The following PRMT7 variants were observed in gnomAD, a reference collection of about 807,000 sequenced individuals.
PRMT7 encodes protein arginine N-methyltransferase 7.
In PRMT7, 75 loss-of-function variants were observed where a neutral mutation model predicts 85.4. That is an observed-to-expected ratio of 0.88 (90% CI 0.73 to 1.06). The LOEUF is 1.06. Ranked by LOEUF, PRMT7 falls within the 50% of genes least tolerant of loss-of-function variation. The probability of loss-of-function intolerance (pLI) is 0.00; values close to 1 mark genes in which losing one functional copy is unlikely to be tolerated. For missense variants in PRMT7, 868 were observed against 915.2 expected (o/e 0.95, Z 0.67); for synonymous variants, 397 against 359.5 (o/e 1.10, Z -1.18).
chr16:68,321,303 C>G (rs1298539322), intron 3 of PRMT7, 123 bp from the exon 4 acceptor site: 2 of 746,272 alleles, frequency 2.7e-6, no homozygotes, highest in African/African-American at 3.7e-5. Flanking sequence ...AAAAGACAAC[C>G]AAAAAATAGT....
chr16:68,352,670 A>C, intron 15 of PRMT7: 1 of 356,374 alleles, frequency 2.8e-6, no homozygotes, highest in Non-Finnish European at 5.1e-6. Context: ...TTAAAAATAT[A>C]AATTAAGCGT....
chr16:68,334,098 C>T (rs2084314343), intron 6 of PRMT7, among the ~76,000 whole-genome samples: 1 of 152,156 alleles, frequency 6.6e-6, no homozygotes, highest in Non-Finnish European at 1.5e-5. Context: ...CTTCATAGCG[C>T]TTACCACTGC....
intron 2 of PRMT7, 88 bp from the exon 3 acceptor site, chr16:68,315,809 C>A: frequency 4.8e-6 from 3 of 629,942 alleles, no homozygotes; most frequent in Non-Finnish European, 8.6e-6. Context: ...CCCCTTCCCC[C>A]CTCCACATTT....
At chr16:68,335,592 T>A (rs1024199500) in intron 6 of PRMT7, among the ~76,000 whole-genome samples, 2 of 151,866 alleles carry the variant, frequency 1.3e-5, no homozygotes, top group Non-Finnish European at 2.9e-5. Flanking sequence ...GTGTGCTTTT[T>A]TTTTTTTATC....
At chr16:68,351,104 C>T (rs2087254650) in intron 14 of PRMT7, among the ~76,000 whole-genome samples, 1 of 152,170 alleles carries the variant, frequency 6.6e-6, no homozygotes, top group Non-Finnish European at 1.5e-5. Flanking sequence ...GTGTGGTGTA[C>T]CGGTAGACCG....
chr16:68,314,986 T>A (rs991742953), intron 2 of PRMT7, among the ~76,000 whole-genome samples: 1 of 152,028 alleles, frequency 6.6e-6, no homozygotes, highest in African/African-American at 2.4e-5. Context: ...GCATAAGGAA[T>A]GCTAGTATTA....
intron 3 of PRMT7, among the ~76,000 whole-genome samples, chr16:68,319,709 A>AGTGTGTGTGTGTGTGT (rs750593103): frequency 0.013 from 536 of 41,858 alleles, 3 homozygotes; most frequent in African/African-American, 0.057. Flanking sequence ...AATAAGAGTG[A>AGTGTGTGTGTGTGTGT]GAGTGTGTGT....
rs188061649 is a variant in PRMT7, at chr16:68,318,222, C to A, written c.95+2148C>A. ...TTTTTTTCTTTTTTTTTTTTTGAGA[C>A]AGAGTCTCGCTCTGTTTCCCAGGCT... is the stretch of plus-strand genomic sequence containing the variant. On this transcript the variant is annotated intron_variant, in intron 3 of 18. Coordinates refer to ENST00000441236, the MANE Select transcript of PRMT7 (RefSeq NM_019023.5). Among the ~76,000 whole-genome samples, 429 of 136,988 alleles carry A rather than the reference C, an allele frequency of 3.1e-3. 5 individuals are homozygous for A. The highest frequency in any genetic ancestry group is 0.011 in the African/African-American group (404 of 35,572). 89.9% of individuals were successfully genotyped at this position (136,988 alleles called of 152,430 possible).
chr16:68,344,188 C>T (rs568929435), intron 9 of PRMT7, among the ~76,000 whole-genome samples: 17 of 152,296 alleles, frequency 1.1e-4, no homozygotes, highest in East Asian at 7.7e-4. Context: ...AGGCTGGTCC[C>T]GTACACCTGG....
intron 6 of PRMT7, among the ~76,000 whole-genome samples, chr16:68,334,635 A>G (rs961237074): frequency 1.3e-5 from 2 of 152,006 alleles, no homozygotes; most frequent in African/African-American, 4.8e-5. Context: ...TCATCCGTCC[A>G]TTTTGTTCAT....
rs572000123 is a variant in PRMT7 at position 68,319,713 on chromosome 16, T to A, written c.96-1713T>A. ...CCAGCCTTCTCAATAAGAGTGAGAGTGTGTGTGTGTGTGTGTGTGTGTGTG... is the reference window on the plus strand; with the variant it reads ...CCAGCCTTCTCAATAAGAGTGAGAGAGTGTGTGTGTGTGTGTGTGTGTGTG... On this transcript the variant is annotated intron_variant, in intron 3 of 18. Transcript: ENST00000441236. Among the ~76,000 whole-genome samples, 41 of 145,184 alleles carry A rather than the reference T, an allele frequency of 2.8e-4. No individual in the cohort carries two copies. The East Asian group carries it at 3.5e-3, about 12-fold the overall frequency.
intron 2 of PRMT7, among the ~76,000 whole-genome samples, chr16:68,313,796 T>G (rs2044297925): frequency 1.3e-5 from 2 of 152,180 alleles, no homozygotes; most frequent in South Asian, 2.1e-4. Context: ...TGCAGCTGGG[T>G]GCCGTGGTGC....
chr16:68,356,883 G>A, intron 18 of PRMT7, 86 bp downstream of exon 18: 1 of 1,424,494 alleles, frequency 7.0e-7, no homozygotes, highest in Non-Finnish European at 9.6e-7. Flanking sequence ...CCATGCTCTG[G>A]GTGTTTCTGT....
At chr16:68,341,118 A>C (rs1024034257) in intron 9 of PRMT7, among the ~76,000 whole-genome samples, 3 of 152,164 alleles carry the variant, frequency 2.0e-5, no homozygotes, top group African/African-American at 7.2e-5. Flanking sequence ...GTGGAAAGGA[A>C]ACATATTTTT....
chr16:68,328,546 G>A (rs1295716360), intron 5 of PRMT7: 2 of 152,110 alleles, frequency 1.3e-5, no homozygotes, highest in African/African-American at 4.9e-5. Context: ...GTATACATAA[G>A]GGTCAGTACT....
intron 2 of PRMT7, among the ~76,000 whole-genome samples, chr16:68,314,542 C>T (rs1362147765): frequency 6.6e-6 from 1 of 152,154 alleles, no homozygotes; most frequent in African/African-American, 2.4e-5. Context: ...TGTTTCTCAT[C>T]TATTTGTGTA....
rs376533896 is a variant in PRMT7 at position 68,352,370 on chromosome 16, C to T, written c.1536C>T (p.Pro512=). The change falls in exon 15 of 19, where the codon CCC becomes CCT. Residue 512 remains proline, a synonymous_variant. Coordinates refer to ENST00000441236, the MANE Select transcript of PRMT7 (RefSeq NM_019023.5). Reference sequence around the variant, plus strand: ...TGGGGCCAGGTGCCATGGTGATGCCCCAGGCAGCCTCGCTGCACGCTGTGG... The same window carrying T: ...TGGGGCCAGGTGCCATGGTGATGCCTCAGGCAGCCTCGCTGCACGCTGTGG... ...QHLGPGAMVM[P]QAASLHAVVV... 6.3e-5 allele frequency: 102 copies of T among 1,609,736 alleles called. No individual in the cohort carries two copies. The highest frequency in any genetic ancestry group is 4.9e-4 in the Middle Eastern group (3 of 6,062).
intron 4 of PRMT7, chr16:68,322,378 T>C: frequency 2.2e-6 from 1 of 451,296 alleles, no homozygotes; most frequent in Non-Finnish European, 4.4e-6. Context: ...TTGTATGTTT[T>C]GTAGAGGCAG....
intron 7 of PRMT7, among the ~76,000 whole-genome samples, chr16:68,338,611 A>T (rs2085048694): frequency 6.6e-6 from 1 of 152,116 alleles, no homozygotes; most frequent in African/African-American, 2.4e-5. Flanking sequence ...GAGTCCAGTT[A>T]GAGCAGCATT....
Sources: gnomAD v4.1 joint callset for allele counts (sites outside exome capture counted in the v4.1 genomes callset) on GRCh38, gnomAD v4.1.1 for gene constraint, MANE v1.5 for transcripts, NCBI Gene and HGNC (gene_info 2026-07-23, HGNC 2026-07-21) for gene names.